The following TCTN1 variants were observed in gnomAD, a reference collection of about 807,000 sequenced individuals.
TCTN1 encodes tectonic-1.
In TCTN1, 58 loss-of-function variants were observed where a neutral mutation model predicts 65.8. The ratio of observed to expected loss-of-function variants is 0.88; its 90% CI spans 0.71 to 1.10. The LOEUF (loss-of-function observed/expected upper bound fraction) is 1.10. Ranked by LOEUF, TCTN1 falls within the 50% of genes least tolerant of loss-of-function variation. The probability of loss-of-function intolerance (pLI) is 0.00; values close to 1 mark genes in which losing one functional copy is unlikely to be tolerated. For synonymous variants in TCTN1, 273 were observed against 289.1 expected, an observed-to-expected ratio of 0.94 and a Z score of 0.57; for missense variants, 645 against 719.4, an observed-to-expected ratio of 0.90 and a Z score of 1.18.
At chr12:110,627,099 T>C (rs2065905482) in intron 3 of TCTN1, among the ~76,000 whole-genome samples, 1 of 105,262 alleles carries the variant, frequency 9.5e-6, no homozygotes, top group Non-Finnish European at 2.1e-5. Flanking sequence ...TCTTTCTTTC[T>C]TTTTTTTTTT....
At chr12:110,627,553 G>A (rs117372652) in intron 3 of TCTN1, among the ~76,000 whole-genome samples, 1,568 of 152,190 alleles carry the variant, frequency 0.01, 16 homozygotes, top group South Asian at 0.034. Flanking sequence ...TTTCGAAACC[G>A]TATACTTATC....
At chr12:110,616,537 C>A (rs751171287) in intron 1 of TCTN1, among the ~76,000 whole-genome samples, 1 of 152,162 alleles carries the variant, frequency 6.6e-6, no homozygotes, top group Non-Finnish European at 1.5e-5. Context: ...TGAGCCACTG[C>A]ACTCTGCCAG....
intron 3 of TCTN1, chr12:110,628,313 C>G: frequency 7.3e-7 from 1 of 1,367,244 alleles, no homozygotes; most frequent in Non-Finnish European, 9.9e-7. Context: ...TTAAAAAATC[C>G]TGGGAGAAGT....
chr12:110,628,742 A>C, intron 3 of TCTN1, 25 bp from the exon 4 acceptor site: 1 of 1,568,466 alleles, frequency 6.4e-7, no homozygotes, highest in Non-Finnish European at 8.7e-7. Context: ...TACCGATTTA[A>C]AATACTGTTT....
chr12:110,647,362 T>C (rs374073971), intron 13 of TCTN1, 26 bp downstream of exon 13: 12 of 1,613,842 alleles, frequency 7.4e-6, no homozygotes, highest in Non-Finnish European at 1.0e-5. Flanking sequence ...TTTAAAGGCA[T>C]AGGTTAAGAC....
rs779625906 is a variant in TCTN1, at chr12:110,619,922, A to T, written c.307A>T (p.Ser103Cys). 1 of 1,614,112 alleles carries T rather than the reference A, an allele frequency of 6.2e-7. No homozygotes were observed. The highest frequency in any genetic ancestry group is 8.5e-7 in the Non-Finnish European group (1 of 1,180,042). ...CDPDCSSVDF[S>C]VFSACSVPVV... is the part of the protein sequence containing the mutation. The stretch of plus-strand genomic sequence containing the variant: ...TCCCGACTGCAGCTCCGTGGATTTC[A>T]GTGTCTTTTCTGCCTGCTCAGTTCC... The change falls in exon 2 of 15, where the codon AGT (serine) becomes TGT (cysteine). Residue 103 changes from serine to cysteine, a missense_variant. Transcript: ENST00000397659.
chr12:110,630,957 C>T lies in TCTN1; in HGVS notation c.625-1515C>T, dbSNP rs575929784. ...CTTGTCAGAACTAGTGATAGAGCTG[C>T]GTTGTTGTTGTTGTTGTTGTTGTTT... On this transcript the variant is annotated intron_variant, in intron 4 of 14. Coordinates refer to ENST00000397659, the MANE Select transcript of TCTN1 (RefSeq NM_001082538.3). 1.4e-4 allele frequency among the ~76,000 whole-genome samples: 22 copies of T among 151,950 alleles called. 1 individual carries two copies. The highest frequency in any genetic ancestry group is 4.3e-4 in the African/African-American group (18 of 41,484).
rs766936347 is a variant in TCTN1 at position 110,640,530 on chromosome 12, T to G, written c.978+13T>G. Reference sequence around the variant, plus strand: ...TGTTGTTCTTGAGGTAGGTGCCGAGTTTGGCTTTGAGAGCTTGTCTGTGGC... The same window carrying G: ...TGTTGTTCTTGAGGTAGGTGCCGAGGTTGGCTTTGAGAGCTTGTCTGTGGC... On this transcript the variant is annotated intron_variant, in intron 8 of 14. Transcript: ENST00000397659. The surrounding 1 kb of genome is among the most constrained non-coding windows in gnomAD (Gnocchi z 4.9). 6.2e-7 allele frequency: 1 copy of G among 1,614,126 alleles called. No individual in the cohort carries two copies. Among genetic ancestry groups the G allele is most frequent in the Admixed American group, 1.7e-5 (1 of 60,018 alleles).
chr12:110,614,252 A>G lies in TCTN1; in HGVS notation c.70A>G (p.Thr24Ala), dbSNP rs780859851. 3.3e-5 allele frequency: 53 copies of G among 1,594,604 alleles called. No individual in the cohort carries two copies. Among genetic ancestry groups the G allele is most frequent in the Non-Finnish European group, 4.4e-5 (52 of 1,171,410 alleles). ...CTGCTGGGCCTCCGTGAGCGCCCAG[A>G]CCGATGCCACCCCGGCGGTGACGAC... is the stretch of plus-strand genomic sequence containing the variant. The part of the protein sequence containing the change: ...LGCWASVSAQ[T>A]DATPAVTTEG... The change falls in exon 1 of 15, where the codon ACC (threonine) becomes GCC (alanine). Residue 24 changes from threonine (T) to alanine (A), a missense_variant. Coordinates refer to ENST00000397659, the MANE Select transcript of TCTN1 (RefSeq NM_001082538.3).
chr12:110,614,490 T>A (rs983548178), intron 1 of TCTN1, 88 bp downstream of exon 1: 1 of 1,543,976 alleles, frequency 6.5e-7, no homozygotes, highest in African/African-American at 1.4e-5. Flanking sequence ...GATAGCTAAC[T>A]CTTATTGAGC....
chr12:110,636,200 T>C (rs1565991354), intron 6 of TCTN1: 3 of 409,068 alleles, frequency 7.3e-6, no homozygotes, highest in South Asian at 2.2e-5. Context: ...TGTGGAAATA[T>C]ACAATAATGA....
intron 6 of TCTN1, 133 bp downstream of exon 6, chr12:110,634,912 A>C: frequency 1.5e-6 from 1 of 648,926 alleles, no homozygotes; most frequent in Non-Finnish European, 2.7e-6. Context: ...CAGTACTTTT[A>C]TATCAGTGAT....
Position 110,644,760 on chromosome 12 carries a change from TC to T in TCTN1, c.1332-204del. On this transcript the variant is annotated intron_variant, in intron 11 of 14. Coordinates refer to ENST00000397659, the MANE Select transcript of TCTN1 (RefSeq NM_001082538.3). The surrounding 1 kb of genome is among the most constrained non-coding windows in gnomAD (Gnocchi z 4.6). ...TGGGTGTGGTGGCTCACTCCTGTAG[TC>T]CCAGCACTCTGGGAGGATTGCATGA... 1.6e-6 allele frequency: 1 copy of T among 639,844 alleles called. No homozygotes were observed. 39.6% of individuals were successfully genotyped at this position (639,844 alleles called of 1,614,324 possible).
Position 110,645,004 on chromosome 12 carries a change from A to G in TCTN1, c.1369A>G (p.Lys457Glu), listed in dbSNP as rs1169655939. 13 of 1,614,116 alleles carry G rather than the reference A, an allele frequency of 8.1e-6. No individual in the cohort carries two copies. Among genetic ancestry groups the G allele is most frequent in the Middle Eastern group, 1.6e-4 (1 of 6,084 alleles). The change falls in exon 12 of 15, where the codon AAG becomes GAG. Residue 457 changes from lysine to glutamate, a missense_variant. Coordinates refer to ENST00000397659, the MANE Select transcript of TCTN1 (RefSeq NM_001082538.3). Reference sequence around the variant, plus strand: ...TCTCCCGTGTCAGCTCGTAGCACAGAAGGTGAAGAGCCTGCTGTGGGGCCA... The same window carrying G: ...TCTCCCGTGTCAGCTCGTAGCACAGGAGGTGAAGAGCCTGCTGTGGGGCCA... ...GALPCQLVAQ[K>E]VKSLLWGQGF...
chr12:110,620,135 C>A (rs1352309453), intron 2 of TCTN1, among the ~76,000 whole-genome samples, 179 bp downstream of exon 2: 1 of 152,178 alleles, frequency 6.6e-6, no homozygotes, highest in Non-Finnish European at 1.5e-5. Flanking sequence ...TGGCAGGGCG[C>A]AGTGGCTCAC....
intron 14 of TCTN1, 33 bp downstream of exon 14, chr12:110,647,926 T>C (rs1421769964): frequency 6.2e-7 from 1 of 1,611,500 alleles, no homozygotes; most frequent in Admixed American, 1.7e-5. Context: ...TCCTCTGAGG[T>C]CATCCCCTTT....
At chr12:110,638,839 G>A (rs528083979) in intron 7 of TCTN1, among the ~76,000 whole-genome samples, 19 of 152,302 alleles carry the variant, frequency 1.2e-4, no homozygotes, top group African/African-American at 4.1e-4. Flanking sequence ...TAAGGAACCC[G>A]GGGTTGCCCT....
intron 1 of TCTN1, among the ~76,000 whole-genome samples, chr12:110,615,883 C>T (rs1483692996): frequency 6.6e-6 from 1 of 152,162 alleles, no homozygotes; most frequent in African/African-American, 2.4e-5. Flanking sequence ...GACTTAACTG[C>T]GGTTACTGAA....
At position 110,644,902 on chromosome 12, in the gene TCTN1, A is replaced by G; in HGVS notation, c.1332-65A>G. On this transcript the variant is annotated intron_variant, in intron 11 of 14. Coordinates refer to ENST00000397659, the MANE Select transcript of TCTN1 (RefSeq NM_001082538.3). The surrounding 1 kb of genome is among the most constrained non-coding windows in gnomAD (Gnocchi z 4.6). ...AACAAAGGGAAGGAAAGGAAGAAGA[A>G]AATGAAAAACTGCTGGTGGATGAAC... The G allele has an allele frequency of 6.2e-7, 1 of 1,603,870 alleles. No homozygotes were observed. Among genetic ancestry groups the G allele is most frequent in the Non-Finnish European group, 8.5e-7 (1 of 1,171,490 alleles).
Sources: gnomAD v4.1 joint callset for allele counts (sites outside exome capture counted in the v4.1 genomes callset) on GRCh38, gnomAD v4.1.1 for gene constraint, Gnocchi (gnomAD v3.1) non-coding constraint, MANE v1.5 for transcripts, NCBI Gene and HGNC (gene_info 2026-07-23, HGNC 2026-07-21) for gene names.